Variants in ROR1 observed in about 807,000 individuals in gnomAD.
ROR1 encodes ROR family WNT receptor 1, also known as inactive tyrosine-protein kinase transmembrane receptor ROR1.
A neutral mutation model predicts 78.8 loss-of-function variants in ROR1; 19 were observed. That is an observed-to-expected ratio of 0.24 (90% CI 0.17 to 0.35). The LOEUF (loss-of-function observed/expected upper bound fraction) is 0.35, where lower values mean the gene tolerates loss of function less well. ROR1 is among the 10% of genes least tolerant of loss of function. ROR1 has a pLI of 1.00. For synonymous variants in ROR1, 386 were observed against 433.6 expected (o/e 0.89, Z 1.36); for missense variants, 917 against 1,177.8 (o/e 0.78, Z 3.24).
At chr1:63,893,422 A>G (rs922653411) in intron 1 of ROR1, among the ~76,000 whole-genome samples, 11 of 152,168 alleles carry the variant, frequency 7.2e-5, no homozygotes, top group African/African-American at 2.7e-4. Context: ...GGGGTAAAAA[A>G]AGAATTCATT....
In ROR1 at chr1:63,784,904, C is replaced by T. The variant is rs544918023; in HGVS notation, c.91+10396C>T. Among the ~76,000 whole-genome samples, 10 of 152,288 alleles carry T rather than the reference C, an allele frequency of 6.6e-5. No individual in the cohort carries two copies. In the South Asian group the frequency reaches 8.3e-4, roughly 13 times the overall value. Reference sequence around the variant, plus strand: ...ATGGGGCAAAATTGCTAGTTCTCAGCGCCTTGTTAGGCATGATTTTATAAT... The same window carrying T: ...ATGGGGCAAAATTGCTAGTTCTCAGTGCCTTGTTAGGCATGATTTTATAAT... On this transcript the variant is annotated intron_variant, in intron 1 of 8. Transcript: ENST00000371079.
At chr1:63,921,278 A>G in intron 1 of ROR1, among the ~76,000 whole-genome samples, 1 of 152,196 alleles carries the variant, frequency 6.6e-6, no homozygotes, top group Non-Finnish European at 1.5e-5. Context: ...GAATCATGGT[A>G]AAATGCAGAT....
chr1:63,921,124 A>G (rs1156972977), intron 1 of ROR1, among the ~76,000 whole-genome samples: 1 of 152,192 alleles, frequency 6.6e-6, no homozygotes, highest in Non-Finnish European at 1.5e-5. Context: ...TTAAAGGACA[A>G]TCGAAGTAAC....
Position 64,174,271 on chromosome 1 carries a change from G to C in ROR1, c.1387-3157G>C, listed in dbSNP as rs9919298. ...CAGAAAAGTTAAGAAATTCACCCAA[G>C]GTCAGTGATTAATATTATAAGACCT... On this transcript the variant is annotated intron_variant, in intron 8 of 8. Coordinates refer to ENST00000371079, the MANE Select transcript of ROR1 (RefSeq NM_005012.4). Among the ~76,000 whole-genome samples the C allele has an allele frequency of 5.2e-3, 785 of 152,240 alleles. 10 individuals are homozygous for C. The highest frequency in any genetic ancestry group is 0.018 in the African/African-American group (755 of 41,544).
intron 2 of ROR1, among the ~76,000 whole-genome samples, chr1:64,025,835 A>G (rs1203265543): frequency 6.6e-6 from 1 of 152,164 alleles, no homozygotes; most frequent in Non-Finnish European, 1.5e-5. Context: ...AGGCATAAGA[A>G]TGATACAATG....
chr1:63,945,080 C>T (rs765913827), intron 1 of ROR1, among the ~76,000 whole-genome samples: 3 of 151,940 alleles, frequency 2.0e-5, no homozygotes, highest in Non-Finnish European at 4.4e-5. Flanking sequence ...TGAAAATCAT[C>T]GAACATCCAG....
intron 1 of ROR1, among the ~76,000 whole-genome samples, chr1:63,900,014 G>A (rs1168706826): frequency 6.6e-6 from 1 of 151,992 alleles, no homozygotes; most frequent in Non-Finnish European, 1.5e-5. Flanking sequence ...TTACTATGGA[G>A]GGATTTAGGA....
chr1:63,896,167 T>C (rs923937372), intron 1 of ROR1, among the ~76,000 whole-genome samples: 6 of 152,206 alleles, frequency 3.9e-5, no homozygotes, highest in African/African-American at 1.2e-4. Flanking sequence ...ATCATATTTA[T>C]TCAATGACTT....
At chr1:64,074,660 C>T (rs1045367823) in intron 4 of ROR1, among the ~76,000 whole-genome samples, 3 of 152,152 alleles carry the variant, frequency 2.0e-5, no homozygotes, top group Admixed American at 2.0e-4. Context: ...GATAGTTCCC[C>T]AGTGTGGACT....
At position 64,132,791 on chromosome 1, in the gene ROR1, GAGAT is replaced by G. The variant is rs145509542; in HGVS notation, c.483-4575_483-4572del. ...AAAAAAAAAAAAAAAAAAAGAGAGA[GAGAT>G]AGGCATTTTAACTGAAATTATCCCC... On this transcript the variant is annotated intron_variant, in intron 4 of 8. Transcript: ENST00000371079. 1.2e-3 allele frequency among the ~76,000 whole-genome samples: 168 copies of G among 143,360 alleles called. 1 individual carries two copies. The highest frequency in any genetic ancestry group is 4.4e-3 in the African/African-American group (160 of 36,602). The allele number at this position is 143,360 out of a possible 152,430, so 94.0% of individuals were successfully genotyped here. A position where few individuals can be genotyped will look rare whatever the true frequency, so the allele number is the denominator to read the frequency against.
chr1:63,977,070 G>C (rs752208163), intron 1 of ROR1, among the ~76,000 whole-genome samples: 2 of 152,100 alleles, frequency 1.3e-5, no homozygotes, highest in Non-Finnish European at 2.9e-5. Flanking sequence ...AGAGTGAAGT[G>C]GGGGGAAAGC....
At chr1:64,077,202 T>C (rs1647057600) in intron 4 of ROR1, among the ~76,000 whole-genome samples, 2 of 152,224 alleles carry the variant, frequency 1.3e-5, no homozygotes, top group Non-Finnish European at 2.9e-5. Flanking sequence ...AAGTATATGT[T>C]CTTGAGGGCA....
chr1:64,008,556 T>C (rs285396), intron 1 of ROR1, among the ~76,000 whole-genome samples: 106,814 of 152,122 alleles, frequency 0.7, 39,911 homozygotes, highest in East Asian at 0.94. Context: ...TCCACAGTGG[T>C]GGAACTAATT....
intron 1 of ROR1, among the ~76,000 whole-genome samples, chr1:63,817,104 T>C (rs369918417): frequency 2.0e-5 from 3 of 152,360 alleles, no homozygotes; most frequent in South Asian, 4.1e-4. Flanking sequence ...GCCTTCTAAA[T>C]ATGTATTTTA....
intron 1 of ROR1, among the ~76,000 whole-genome samples, chr1:63,927,918 C>T (rs936163299): frequency 6.6e-5 from 10 of 151,480 alleles, no homozygotes; most frequent in South Asian, 2.1e-4. Context: ...TAGTCCTTTG[C>T]GATCCACTGA....
intron 1 of ROR1, among the ~76,000 whole-genome samples, chr1:63,925,260 G>A (rs1282289028): frequency 4.0e-5 from 6 of 150,130 alleles, no homozygotes; most frequent in Non-Finnish European, 5.9e-5. Context: ...GAGAATATGC[G>A]GTGTCTGGTT....
At chr1:64,005,730 A>G (rs1290675246) in intron 1 of ROR1, among the ~76,000 whole-genome samples, 3 of 152,182 alleles carry the variant, frequency 2.0e-5, no homozygotes, top group Non-Finnish European at 1.5e-5. Flanking sequence ...GTGAGGGGAG[A>G]TTATTAATAT....
intron 1 of ROR1, among the ~76,000 whole-genome samples, chr1:63,874,186 T>C (rs959606588): frequency 3.9e-5 from 6 of 152,184 alleles, no homozygotes; most frequent in Non-Finnish European, 8.8e-5. Context: ...AGAAATTGCA[T>C]TTTTCCTGCA....
At chr1:63,989,407 G>A (rs1646277346) in intron 1 of ROR1, among the ~76,000 whole-genome samples, 1 of 152,092 alleles carries the variant, frequency 6.6e-6, no homozygotes, top group African/African-American at 2.4e-5. Flanking sequence ...GAGGCTATCA[G>A]TGAATATTTG....
Sources: gnomAD v4.1 joint callset for allele counts (sites outside exome capture counted in the v4.1 genomes callset) on GRCh38, gnomAD v4.1.1 for gene constraint, MANE v1.5 for transcripts, NCBI Gene and HGNC (gene_info 2026-07-23, HGNC 2026-07-21) for gene names.